Variants in ARHGEF17 observed in about 807,000 individuals in gnomAD.
ARHGEF17 encodes 164 kDa Rho-specific guanine-nucleotide exchange factor.
ARHGEF17 carries 80 observed loss-of-function variants against 174.0 expected under a neutral mutation model. The ratio of observed to expected loss-of-function variants is 0.46; its 90% CI spans 0.38 to 0.55. The LOEUF (loss-of-function observed/expected upper bound fraction) is 0.55, where lower values mean the gene tolerates loss of function less well. ARHGEF17 is among the 20% of genes least tolerant of loss of function. ARHGEF17 has a pLI of 0.00. For missense variants in ARHGEF17, 2,886 were observed against 2,839.7 expected (o/e 1.02, Z -0.37); for synonymous variants, 1,311 against 1,189.1 (o/e 1.10, Z -2.11).
rs372041690 is a variant in ARHGEF17, at chr11:73,345,052, C to T, written c.3193-1831C>T. Among the ~76,000 whole-genome samples the T allele has an allele frequency of 1.2e-3, 177 of 152,264 alleles. No homozygotes were observed. The Middle Eastern group carries it at 0.014, about 12-fold the overall frequency. ...CTGTGGGGTGCTGAGATGTCCCTGG[C>T]GTGGGGTAGGGCAGGATTAGGCATC... On this transcript the variant is annotated intron_variant, in intron 1 of 20. Coordinates refer to ENST00000263674, the MANE Select transcript of ARHGEF17 (RefSeq NM_014786.4).
At chr11:73,346,826 G>A (rs564206727) in intron 1 of ARHGEF17, 57 bp from the exon 2 acceptor site, 9 of 1,345,802 alleles carry the variant, frequency 6.7e-6, no homozygotes, top group East Asian at 2.9e-5. Context: ...GTGGCTACAG[G>A]TGATGGGGTC....
rs757229640 is a variant in ARHGEF17 at position 73,368,962 on chromosome 11, G to A, written c.*1182G>A. On this transcript the variant is annotated 3_prime_UTR_variant, in exon 21 of 21. Coordinates refer to ENST00000263674, the MANE Select transcript of ARHGEF17 (RefSeq NM_014786.4). ...GTTTGTTTTGTTCTGTTTGGTTTTG[G>A]TTTTGTTTGGGGTGGGTGGGTCATT... The A allele has an allele frequency of 3.3e-5, 5 of 152,404 alleles. No homozygotes were observed. Among genetic ancestry groups the A allele is most frequent in the Non-Finnish European group, 7.3e-5 (5 of 68,032 alleles). The allele number at this position is 152,404 out of a possible 1,614,324, so 9.4% of individuals were successfully genotyped here. A position where few individuals can be genotyped will look rare whatever the true frequency, so the allele number is the denominator to read the frequency against.
rs140589138 is a variant in ARHGEF17 at position 73,362,108 on chromosome 11, C to A, written c.4563C>A (p.Ser1521Arg). ...EPSPEVWVCNSDGYVGQVCLL... is the reference protein window; with the variant it reads ...EPSPEVWVCNRDGYVGQVCLL... ...CGCCTGAGGTATGGGTCTGCAACAGCGACGGCTACGTGGGCCAGGTGTGCC... is the reference window on the plus strand; with the variant it reads ...CGCCTGAGGTATGGGTCTGCAACAGAGACGGCTACGTGGGCCAGGTGTGCC... The change falls in exon 13 of 21, where the codon AGC becomes AGA. Residue 1521 changes from serine to arginine, a missense_variant. By Grantham distance (110) the Ser-to-Arg change is moderately radical. Transcript: ENST00000263674. 6.2e-7 allele frequency: 1 copy of A among 1,612,422 alleles called. No individual in the cohort carries two copies. The highest frequency in any genetic ancestry group is 1.7e-5 in the Admixed American group (1 of 59,998).
intron 1 of ARHGEF17, among the ~76,000 whole-genome samples, chr11:73,329,557 G>A (rs1159443479): frequency 1.7e-4 from 26 of 150,330 alleles, no homozygotes; most frequent in Admixed American, 1.5e-3. Context: ...GCACCACCAC[G>A]CCCAGCTAAT....
intron 1 of ARHGEF17, among the ~76,000 whole-genome samples, chr11:73,333,373 C>T (rs1030375348): frequency 1.3e-5 from 2 of 152,220 alleles, no homozygotes; most frequent in Admixed American, 6.5e-5. Context: ...CACATGCACG[C>T]GCGCGCGCAC....
At chr11:73,321,218 C>G (rs1040948395) in intron 1 of ARHGEF17, among the ~76,000 whole-genome samples, 3 of 152,148 alleles carry the variant, frequency 2.0e-5, no homozygotes, top group Non-Finnish European at 4.4e-5. Context: ...AGGGAGAAAC[C>G]GGGGCTGGAG....
At chr11:73,334,772 G>A (rs1159648768) in intron 1 of ARHGEF17, among the ~76,000 whole-genome samples, 2 of 152,140 alleles carry the variant, frequency 1.3e-5, no homozygotes, top group Non-Finnish European at 2.9e-5. Context: ...CCTGCTCCTG[G>A]GTCTGAGGGA....
At chr11:73,357,221 C>G (rs761870598) in intron 8 of ARHGEF17, 21 bp from the exon 9 acceptor site, 5 of 1,613,022 alleles carry the variant, frequency 3.1e-6, no homozygotes, top group Non-Finnish European at 4.2e-6. Flanking sequence ...CTGGCCAGAG[C>G]GCCCCATTGG....
intron 9 of ARHGEF17, 124 bp downstream of exon 9, chr11:73,357,451 C>T: frequency 1.2e-6 from 1 of 861,330 alleles, no homozygotes; most frequent in Non-Finnish European, 1.8e-6. Context: ...GCCTCGCTCT[C>T]TCATCCAGTG....
chr11:73,348,292 A>G (rs1414036401), intron 2 of ARHGEF17, among the ~76,000 whole-genome samples: 1 of 152,178 alleles, frequency 6.6e-6, no homozygotes, highest in Non-Finnish European at 1.5e-5. Flanking sequence ...TTCTCTGTGC[A>G]GGGGCATTAG....
At chr11:73,357,415 C>G in intron 9 of ARHGEF17, 88 bp downstream of exon 9, 1 of 1,249,034 alleles carries the variant, frequency 8.0e-7, no homozygotes, top group Non-Finnish European at 1.1e-6. Context: ...GTCTGGCTGC[C>G]TGTCCAGCTG....
intron 1 of ARHGEF17, chr11:73,343,280 A>G (rs946953226): frequency 2.5e-6 from 1 of 397,042 alleles, no homozygotes; most frequent in Non-Finnish European, 4.4e-6. Context: ...AGGCCCAGGT[A>G]CGGGGAGGGG....
chr11:73,343,888 A>G (rs1393607915), intron 1 of ARHGEF17, among the ~76,000 whole-genome samples: 2 of 152,020 alleles, frequency 1.3e-5, no homozygotes, highest in African/African-American at 2.4e-5. Context: ...CACAGCCTCA[A>G]GTCTCTGAGC....
At chr11:73,354,814 T>A (rs1479792842) in intron 3 of ARHGEF17, among the ~76,000 whole-genome samples, 2 of 152,226 alleles carry the variant, frequency 1.3e-5, no homozygotes, top group Admixed American at 6.5e-5. Flanking sequence ...GAACCCAGGT[T>A]TCCTGGTTCC....
At chr11:73,342,174 GGTGGGAGCACAGTCTAGGA>G (rs1565199155) in intron 1 of ARHGEF17, among the ~76,000 whole-genome samples, 1 of 89,540 alleles carries the variant, frequency 1.1e-5, no homozygotes, top group African/African-American at 8.2e-5. Context: ...ACAGTCTAGG[GGTGGGAGCACAGTCTAGGA>G]GTGGGAGCAC....
Position 73,369,021 on chromosome 11 carries a change from C to T in ARHGEF17, c.*1241C>T, listed in dbSNP as rs951155738. ...AGATTATGTTTCTCTTGCTACCAAA[C>T]AGTCATGTATTAACTCTCTTTGGAT... On this transcript the variant is annotated 3_prime_UTR_variant, in exon 21 of 21. Coordinates refer to ENST00000263674, the MANE Select transcript of ARHGEF17 (RefSeq NM_014786.4). 7.2e-5 allele frequency: 11 copies of T among 152,584 alleles called. No homozygotes were observed. Among genetic ancestry groups the T allele is most frequent in the African/African-American group, 2.4e-4 (10 of 41,454 alleles). The allele number at this position is 152,584 out of a possible 1,614,324, so 9.5% of individuals were successfully genotyped here. A position where few individuals can be genotyped will look rare whatever the true frequency, so the allele number is the denominator to read the frequency against.
Position 73,355,654 on chromosome 11 carries a change from T to G in ARHGEF17, c.3570+5T>G, listed in dbSNP as rs757392555. Reference sequence around the variant, plus strand: ...GCCTTTCTCAAGTTCCTAGAGGTACTGTGGGCTAGGGCAGGGGGATGGAGG... The same window carrying G: ...GCCTTTCTCAAGTTCCTAGAGGTACGGTGGGCTAGGGCAGGGGGATGGAGG... On this transcript the variant is annotated splice_donor_5th_base_variant and intron_variant, in intron 4 of 20. Coordinates refer to ENST00000263674, the MANE Select transcript of ARHGEF17 (RefSeq NM_014786.4). 2.0e-5 allele frequency: 33 copies of G among 1,612,162 alleles called. No homozygotes were observed. In the Admixed American group the frequency reaches 5.3e-4, roughly 26 times the overall value.
At chr11:73,313,382 A>G (rs1864874121) in intron 1 of ARHGEF17, among the ~76,000 whole-genome samples, 2 of 152,056 alleles carry the variant, frequency 1.3e-5, no homozygotes, top group Non-Finnish European at 2.9e-5. Flanking sequence ...TTTCCCATAT[A>G]TCTTTTCTGG....
At chr11:73,345,337 C>T (rs1309050038) in intron 1 of ARHGEF17, among the ~76,000 whole-genome samples, 1 of 152,096 alleles carries the variant, frequency 6.6e-6, no homozygotes, top group Non-Finnish European at 1.5e-5. Flanking sequence ...GGAGAGCCAG[C>T]CCCCCTTCCT....
Sources: allele counts gnomAD v4.1 joint callset (sites outside exome capture counted in the v4.1 genomes callset), GRCh38; gene constraint gnomAD v4.1.1; transcripts MANE v1.5; gene names NCBI Gene and HGNC (gene_info 2026-07-23, HGNC 2026-07-21).